ADAMTS13: variants seen among roughly 807,000 people sequenced by gnomAD.
ADAMTS13 encodes the protein A disintegrin and metalloproteinase with thrombospondin motifs 13.
Under a neutral mutation model 155.1 loss-of-function variants are expected in ADAMTS13, and 110 were observed. The ratio of observed to expected loss-of-function variants is 0.71; its 90% CI spans 0.61 to 0.83. ADAMTS13 has a LOEUF of 0.83. ADAMTS13 is among the 40% of genes least tolerant of loss of function. The probability of loss-of-function intolerance (pLI) is 0.00; values close to 1 mark genes in which losing one functional copy is unlikely to be tolerated. For synonymous variants in ADAMTS13, 758 were observed against 756.4 expected (o/e 1.00, Z -0.03); for missense variants, 1,707 against 1,891.7 (o/e 0.90, Z 1.81).
chr9:133,443,286 A>G (rs989129767), intron 18 of ADAMTS13, 90 bp from the exon 19 acceptor site: 1 of 1,479,332 alleles, frequency 6.8e-7, no homozygotes, highest in Middle Eastern at 2.3e-4. Flanking sequence ...CTTGTCCCAG[A>G]CCGGGGGAGT....
In ADAMTS13 at chr9:133,455,915, C is replaced by A. The variant is rs587608089; in HGVS notation, c.3401-154C>A. 7.6e-5 allele frequency: 75 copies of A among 990,464 alleles called. No individual in the cohort carries two copies. The African/African-American group carries it at 9.9e-4, about 13-fold the overall frequency. The allele number at this position is 990,464 out of a possible 1,614,324, so 61.4% of individuals were successfully genotyped here. A position where few individuals can be genotyped will look rare whatever the true frequency, so the allele number is the denominator to read the frequency against. On this transcript the variant is annotated intron_variant, in intron 25 of 28. Transcript: ENST00000355699. ...GAGGGTGATGCTCTGACCTATGCAG[C>A]CCCCCTCCCTGTCCTGAGAAGGCTT...
chr9:133,442,861 G>A lies in ADAMTS13; in HGVS notation c.2234+118G>A, dbSNP rs1447201858. ...CAGGGCCGGGCTGAGCTGCTCCTGTGCAGGCTCTCATTACCCCTGCCCACA... is the reference window on the plus strand; with the variant it reads ...CAGGGCCGGGCTGAGCTGCTCCTGTACAGGCTCTCATTACCCCTGCCCACA... On this transcript the variant is annotated intron_variant, in intron 18 of 28. Coordinates refer to ENST00000355699, the MANE Select transcript of ADAMTS13 (RefSeq NM_139027.6). 4.9e-6 allele frequency: 7 copies of A among 1,436,902 alleles called. No individual in the cohort carries two copies. The Admixed American group carries it at 1.7e-4, about 36-fold the overall frequency. The allele number at this position is 1,436,902 out of a possible 1,614,324, so 89.0% of individuals were successfully genotyped here.
rs587763802 is a variant in ADAMTS13, at chr9:133,425,496, G to A, written c.331-33G>A. 5 of 1,597,448 alleles carry A rather than the reference G, an allele frequency of 3.1e-6. No individual in the cohort carries two copies. Among genetic ancestry groups the A allele is most frequent in the Admixed American group, 1.7e-5 (1 of 58,022 alleles). ...TGCCTGGGGCTGGCAATGCCCACCC[G>A]ACGGGTTACCTCTCTCATCTGCCCT... On this transcript the variant is annotated intron_variant, in intron 3 of 28. Coordinates refer to ENST00000355699, the MANE Select transcript of ADAMTS13 (RefSeq NM_139027.6). This position sits in a 1 kb window ranked among gnomAD's most constrained non-coding sequence, Gnocchi z 4.6.
rs905408795 is a variant in ADAMTS13, at chr9:133,445,532, C to T, written c.2611-167C>T. On this transcript the variant is annotated intron_variant, in intron 20 of 28. Transcript: ENST00000355699. This position sits in a 1 kb window ranked among gnomAD's most constrained non-coding sequence, Gnocchi z 5.0. ...AGGTGGGGTGTGCAGCAAGGATACC[C>T]GCTGCGAGACCGGGGAGCCGATCTC... 1.2e-4 allele frequency among the ~76,000 whole-genome samples: 19 copies of T among 152,304 alleles called. No individual in the cohort carries two copies. The highest frequency in any genetic ancestry group is 2.1e-4 in the South Asian group (1 of 4,820).
At position 133,424,191 on chromosome 9, in the gene ADAMTS13, G is replaced by C. The variant is rs36218550; in HGVS notation, c.173-130G>C. 155 of 1,433,700 alleles carry C rather than the reference G, an allele frequency of 1.1e-4. No individual in the cohort carries two copies. The African/African-American group carries it at 1.8e-3, about 17-fold the overall frequency. The allele number at this position is 1,433,700 out of a possible 1,614,324, so 88.8% of individuals were successfully genotyped here. On this transcript the variant is annotated intron_variant, in intron 2 of 28. Coordinates refer to ENST00000355699, the MANE Select transcript of ADAMTS13 (RefSeq NM_139027.6). This position sits in a 1 kb window ranked among gnomAD's most constrained non-coding sequence, Gnocchi z 4.3. Reference sequence around the variant, plus strand: ...GTCACTAATGGGGTCTGGCTCTTGGGGTGGGGGTGACACGCAATGTCTTGA... The same window carrying C: ...GTCACTAATGGGGTCTGGCTCTTGGCGTGGGGGTGACACGCAATGTCTTGA...
intron 25 of ADAMTS13, chr9:133,455,721 C>A (rs925555246): frequency 7.4e-7 from 1 of 1,358,926 alleles, no homozygotes; most frequent in East Asian, 2.3e-5. Context: ...CCTGGGAGGC[C>A]GGGATCAGGG....
chr9:133,453,702 C>T (rs1554794877), intron 23 of ADAMTS13, among the ~76,000 whole-genome samples: 1 of 152,062 alleles, frequency 6.6e-6, no homozygotes, highest in Non-Finnish European at 1.5e-5. Flanking sequence ...AAAATTTCTG[C>T]GATGCACACG....
At chr9:133,448,872 C>A (rs1842247834) in intron 22 of ADAMTS13, 144 bp downstream of exon 22, 4 of 1,333,536 alleles carry the variant, frequency 3.0e-6, no homozygotes, top group African/African-American at 2.9e-5. Context: ...GCCGCCCCAT[C>A]CCCCTGCCTC....
chr9:133,455,521 C>G (rs1769826563), intron 25 of ADAMTS13, 86 bp downstream of exon 25: 1 of 1,611,498 alleles, frequency 6.2e-7, no homozygotes. Context: ...TGGAGTGGTC[C>G]CAGGCCCGGG....
At chr9:133,417,768 A>C, upstream of ADAMTS13, 1 of 1,612,248 alleles carries the variant, frequency 6.2e-7, no homozygotes, top group South Asian at 1.1e-5. Context: ...CTTCCGAGTG[A>C]GCGTCTTGAC....
At chr9:133,449,423 G>T (rs1476385801) in intron 22 of ADAMTS13, among the ~76,000 whole-genome samples, 1 of 151,906 alleles carries the variant, frequency 6.6e-6, no homozygotes, top group Non-Finnish European at 1.5e-5. Context: ...CAAACACAGC[G>T]GGAGGGGAGG....
upstream of ADAMTS13, chr9:133,418,102 G>A (rs1554782178): frequency 3.9e-6 from 2 of 518,098 alleles, no homozygotes; most frequent in African/African-American, 4.0e-5. Flanking sequence ...GCGCAGCCTG[G>A]GCGGTTCACC....
rs1588160275 is a variant in ADAMTS13, at chr9:133,430,118, T to G, written c.987+17T>G. On this transcript the variant is annotated intron_variant, in intron 8 of 28. Coordinates refer to ENST00000355699, the MANE Select transcript of ADAMTS13 (RefSeq NM_139027.6). ...GAGCACCTGGTGAGTCTGCCGGCGG[T>G]GGCCTGGGATTGGCTGTGAGGTCCC... 6.4e-7 allele frequency: 1 copy of G among 1,567,154 alleles called. No individual in the cohort carries two copies. The highest frequency in any genetic ancestry group is 1.3e-5 in the African/African-American group (1 of 74,470).
intron 25 of ADAMTS13, chr9:133,455,668 TCTGGGAAGGA>T (rs1007122725): frequency 6.4e-7 from 1 of 1,572,938 alleles, no homozygotes. Flanking sequence ...GGCATCTTCC[TCTGGGAAGGA>T]CTGGCACAAG....
In ADAMTS13 at chr9:133,426,338, G is replaced by A; in HGVS notation, c.679G>A (p.Gly227Arg). The change falls in exon 6 of 29, where the codon GGG becomes AGG. Residue 227 changes from glycine (G) to arginine (R), a missense_variant. Coordinates refer to ENST00000355699, the MANE Select transcript of ADAMTS13 (RefSeq NM_139027.6). The stretch of plus-strand genomic sequence containing the variant: ...GGGAGTCACCATTGCCCATGAGATT[G>A]GGCACAGGTATGTAGCCCCACCAGC... ...DLGVTIAHEIGHSFGLEHDGA... is the reference protein window; with the variant it reads ...DLGVTIAHEIRHSFGLEHDGA... The A allele has an allele frequency of 1.2e-6, 2 of 1,601,078 alleles. No individual in the cohort carries two copies. Among genetic ancestry groups the A allele is most frequent in the Non-Finnish European group, 1.7e-6 (2 of 1,179,942 alleles).
chr9:133,437,780 C>T lies in ADAMTS13; in HGVS notation c.1467C>T (p.Ala489=). The T allele has an allele frequency of 6.2e-7, 1 of 1,613,944 alleles. No individual in the cohort carries two copies. Among genetic ancestry groups the T allele is most frequent in the Non-Finnish European group, 8.5e-7 (1 of 1,180,044 alleles). ...GDALCRHMCR[A]IGESFIMKRG... The stretch of plus-strand genomic sequence containing the variant: ...CTCTGTGCAGACACATGTGCCGGGC[C>T]ATTGGCGAGAGCTTCATCATGAAGC... Residue 489 remains alanine, a synonymous_variant, in exon 13 of 29, where the codon GCC becomes GCT. Transcript: ENST00000355699.
Position 133,455,433 on chromosome 9 carries a change from AG to A in ADAMTS13, c.3400+1del. 6.2e-7 allele frequency: 1 copy of A among 1,612,572 alleles called. No homozygotes were observed. Among genetic ancestry groups the A allele is most frequent in the Non-Finnish European group, 8.5e-7 (1 of 1,179,862 alleles). Reference sequence around the variant, plus strand: ...TGCTGGGCTGGGCCCTGTGTGGGACAGGGTACGCCCAGCCTGGTGCCCCACG... The same window carrying A: ...TGCTGGGCTGGGCCCTGTGTGGGACAGGTACGCCCAGCCTGGTGCCCCACG... The part of the protein sequence containing the change: ...RGCWAGPCVG[Q>X]GACGRQHLEP... On this transcript the variant is annotated frameshift_variant and splice_region_variant, in exon 25 of 29. Coordinates refer to ENST00000355699, the MANE Select transcript of ADAMTS13 (RefSeq NM_139027.6). LOFTEE classifies it high-confidence loss of function.
rs782238892 is a variant in ADAMTS13 at position 133,444,353 on chromosome 9, CT to C, written c.2421-498del. Reference sequence around the variant, plus strand: ...CTGGAGAGTAGGAGGGATGGGTTCTCTTTTTTTTTTTTATTAAAAGACAGAG... The same window carrying C: ...CTGGAGAGTAGGAGGGATGGGTTCTCTTTTTTTTTTTATTAAAAGACAGAG... On this transcript the variant is annotated intron_variant, in intron 19 of 28. Coordinates refer to ENST00000355699, the MANE Select transcript of ADAMTS13 (RefSeq NM_139027.6). Among the ~76,000 whole-genome samples the C allele has an allele frequency of 2.6e-3, 384 of 145,784 alleles. 2 individuals carry two copies. Among genetic ancestry groups the C allele is most frequent in the East Asian group, 0.025 (126 of 5,032 alleles).
In ADAMTS13 at chr9:133,459,376, A is replaced by G. The variant is rs1842957338; in HGVS notation, c.*196A>G. 2 of 695,820 alleles carry G rather than the reference A, an allele frequency of 2.9e-6. No individual in the cohort carries two copies. Among genetic ancestry groups the G allele is most frequent in the Non-Finnish European group, 5.2e-6 (2 of 387,902 alleles). The allele number at this position is 695,820 out of a possible 1,614,324, so 43.1% of individuals were successfully genotyped here. A position where few individuals can be genotyped will look rare whatever the true frequency, so the allele number is the denominator to read the frequency against. On this transcript the variant is annotated 3_prime_UTR_variant, in exon 29 of 29. Transcript: ENST00000355699. ...TTCCTCGGGTACCAATAAATAAAAC[A>G]TGCAGGCTGACCGGCGTTTTTTTCT...
Sources: gnomAD v4.1 joint callset for allele counts (sites outside exome capture counted in the v4.1 genomes callset) on GRCh38, gnomAD v4.1.1 for gene constraint, Gnocchi (gnomAD v3.1) non-coding constraint, MANE v1.5 for transcripts, NCBI Gene and HGNC (gene_info 2026-07-23, HGNC 2026-07-21) for gene names.